Variants in HCRTR2 observed in about 807,000 individuals in gnomAD.
The protein encoded by HCRTR2 is orexin receptor type 2.
A neutral mutation model predicts 49.0 loss-of-function variants in HCRTR2; 22 were observed. The observed-to-expected ratio is 0.45, with a 90% CI of 0.32 to 0.64. The LOEUF is 0.64. HCRTR2 is among the 30% of genes least tolerant of loss of function. The pLI is 0.04. For synonymous variants in HCRTR2, 236 were observed against 205.3 expected (o/e 1.15, Z -1.28); for missense variants, 491 against 559.4 (o/e 0.88, Z 1.23).
At chr6:55,241,184 C>T (rs1193494244) in intron 1 of HCRTR2, among the ~76,000 whole-genome samples, 1 of 145,124 alleles carries the variant, frequency 6.9e-6, no homozygotes, top group East Asian at 2.1e-4. Flanking sequence ...CATGTGTTCT[C>T]ATTGTTCAAT....
At position 55,174,825 on chromosome 6, in the gene HCRTR2, G is replaced by A; in HGVS notation, c.223+15G>A. The stretch of plus-strand genomic sequence containing the variant: ...GAACGTCCTGGGTGAGTCTCCTCCC[G>A]GGCAGCCCTCCTAGGGGCTATCACC... On this transcript the variant is annotated intron_variant, in intron 1 of 6. Coordinates refer to ENST00000370862, the MANE Select transcript of HCRTR2 (RefSeq NM_001384272.1). 6.2e-7 allele frequency: 1 copy of A among 1,607,338 alleles called. No individual in the cohort carries two copies. Among genetic ancestry groups the A allele is most frequent in the Non-Finnish European group, 8.5e-7 (1 of 1,174,046 alleles).
chr6:55,223,017 GA>G (rs1338700663), intron 1 of HCRTR2, among the ~76,000 whole-genome samples: 1 of 152,090 alleles, frequency 6.6e-6, no homozygotes, highest in Non-Finnish European at 1.5e-5. Context: ...ATTAAAAAAC[GA>G]GAAACAGTAG....
At chr6:55,226,711 GT>G (rs777871106) in intron 1 of HCRTR2, among the ~76,000 whole-genome samples, 6,867 of 74,418 alleles carry the variant, frequency 0.092, 43 homozygotes, top group African/African-American at 0.14. Flanking sequence ...AATTCCAGGT[GT>G]TTTTTTTTTT....
chr6:55,269,757 A>C (rs1214558476), intron 4 of HCRTR2, among the ~76,000 whole-genome samples: 2 of 152,102 alleles, frequency 1.3e-5, no homozygotes, highest in Admixed American at 1.3e-4. Context: ...CCAGGAGATC[A>C]AGACCAGCAT....
intron 1 of HCRTR2, among the ~76,000 whole-genome samples, chr6:55,189,196 A>G (rs549839093): frequency 6.6e-6 from 1 of 152,140 alleles, no homozygotes; most frequent in Non-Finnish European, 1.5e-5. Context: ...ATGTTTTGCA[A>G]TCTCTGGAGT....
chr6:55,156,818 A>C (rs1262899570), intron 1 of HCRTR2, among the ~76,000 whole-genome samples: 1 of 152,146 alleles, frequency 6.6e-6, no homozygotes, highest in Non-Finnish European at 1.5e-5. Context: ...ATGTACAAAA[A>C]ATGACAAGAT....
At chr6:55,236,873 T>A (rs1318351181) in intron 1 of HCRTR2, among the ~76,000 whole-genome samples, 2 of 152,162 alleles carry the variant, frequency 1.3e-5, no homozygotes, top group African/African-American at 4.8e-5. Flanking sequence ...ATAATGTATT[T>A]GCCTTGCCAA....
chr6:55,278,216 A>G (rs1767116598), intron 5 of HCRTR2, among the ~76,000 whole-genome samples: 3 of 152,190 alleles, frequency 2.0e-5, no homozygotes, highest in Admixed American at 2.0e-4. Flanking sequence ...TGCAGGCACA[A>G]CTATTAAGTT....
chr6:55,177,635 C>A (rs541150822), intron 1 of HCRTR2, among the ~76,000 whole-genome samples: 3 of 152,208 alleles, frequency 2.0e-5, no homozygotes, highest in Admixed American at 1.3e-4. Flanking sequence ...AAATCTCAAC[C>A]TTTTTGGGCT....
chr6:55,180,107 T>C (rs1765105639), intron 1 of HCRTR2, among the ~76,000 whole-genome samples: 1 of 152,236 alleles, frequency 6.6e-6, no homozygotes, highest in South Asian at 2.1e-4. Flanking sequence ...CCAGGTACTA[T>C]ATGTCAGGCT....
chr6:55,186,949 G>C (rs1317521519), intron 1 of HCRTR2, among the ~76,000 whole-genome samples: 4 of 152,102 alleles, frequency 2.6e-5, no homozygotes, highest in African/African-American at 7.2e-5. Context: ...ACACTTTCAG[G>C]TGGCGCACAA....
chr6:55,258,661 A>C (rs993647177), intron 3 of HCRTR2, among the ~76,000 whole-genome samples: 1 of 152,210 alleles, frequency 6.6e-6, no homozygotes, highest in Admixed American at 6.5e-5. Context: ...TGTTTGCTTC[A>C]GTCACATCAT....
intron 1 of HCRTR2, among the ~76,000 whole-genome samples, chr6:55,203,756 G>C (rs1218348642): frequency 6.6e-6 from 1 of 152,016 alleles, no homozygotes; most frequent in Non-Finnish European, 1.5e-5. Context: ...CCCTGATGTA[G>C]ATGCATACCT....
intron 1 of HCRTR2, among the ~76,000 whole-genome samples, chr6:55,218,510 A>G (rs1250091686): frequency 2.0e-5 from 3 of 152,202 alleles, no homozygotes; most frequent in African/African-American, 7.2e-5. Flanking sequence ...CAAGAAGTAC[A>G]AGGAGCCCAC....
At chr6:55,282,076 A>G in intron 6 of HCRTR2, 149 bp from the exon 7 acceptor site, 1 of 643,674 alleles carries the variant, frequency 1.6e-6, no homozygotes, top group Non-Finnish European at 2.8e-6. Flanking sequence ...CAATAAACTC[A>G]ATTTCCTTAT....
intron 4 of HCRTR2, among the ~76,000 whole-genome samples, chr6:55,272,948 G>A (rs1767002755): frequency 6.6e-6 from 1 of 150,430 alleles, no homozygotes; most frequent in Non-Finnish European, 1.5e-5. Flanking sequence ...AGGAGGCATA[G>A]TGAGAAGATC....
At chr6:55,174,991 G>T (rs550981595) in intron 1 of HCRTR2, among the ~76,000 whole-genome samples, 181 bp downstream of exon 1, 1 of 152,240 alleles carries the variant, frequency 6.6e-6, no homozygotes, top group African/African-American at 2.4e-5. Context: ...TCCGAACCGG[G>T]ACCGAGCCCT....
intron 1 of HCRTR2, among the ~76,000 whole-genome samples, chr6:55,195,760 A>G (rs1400647174): frequency 6.6e-6 from 1 of 152,152 alleles, no homozygotes; most frequent in Non-Finnish European, 1.5e-5. Context: ...TCACAAGATC[A>G]GGAGAATGAG....
chr6:55,257,424 T>C (rs1333628704), intron 3 of HCRTR2, among the ~76,000 whole-genome samples: 3 of 152,066 alleles, frequency 2.0e-5, no homozygotes, highest in Non-Finnish European at 4.4e-5. Context: ...TTAGATAAAA[T>C]ATAAAAATAT....
Sources: allele counts gnomAD v4.1 joint callset (sites outside exome capture counted in the v4.1 genomes callset), GRCh38; gene constraint gnomAD v4.1.1; transcripts MANE v1.5; gene names NCBI Gene and HGNC (gene_info 2026-07-23, HGNC 2026-07-21).